DIAPH1: variants seen among roughly 807,000 people sequenced by gnomAD.
The protein encoded by DIAPH1 is protein diaphanous homolog 1.
DIAPH1 carries 46 observed loss-of-function variants against 140.7 expected under a neutral mutation model. The ratio of observed to expected loss-of-function variants is 0.33; its 90% CI spans 0.26 to 0.42. The LOEUF (loss-of-function observed/expected upper bound fraction) is 0.42. Ranked by LOEUF, DIAPH1 falls within the 10% of genes least tolerant of loss-of-function variation. The pLI is 1.00. For missense variants in DIAPH1, 1,310 were observed against 1,558.7 expected (o/e 0.84, Z 2.69); for synonymous variants, 565 against 551.6 (o/e 1.02, Z -0.34).
At chr5:141,532,550 C>T (rs1476578447) in intron 19 of DIAPH1, among the ~76,000 whole-genome samples, 1 of 152,162 alleles carries the variant, frequency 6.6e-6, no homozygotes, top group Non-Finnish European at 1.5e-5. Context: ...TCCAACACTG[C>T]CCCCACTTGA....
At chr5:141,535,930 A>G (rs2099888937) in intron 18 of DIAPH1, 4 of 421,572 alleles carry the variant, frequency 9.5e-6, no homozygotes, top group South Asian at 7.1e-5. Flanking sequence ...AACCACATGA[A>G]AAGTATTACC....
chr5:141,551,744 G>T (rs1440690864), intron 18 of DIAPH1, among the ~76,000 whole-genome samples: 3 of 152,174 alleles, frequency 2.0e-5, no homozygotes, highest in Non-Finnish European at 2.9e-5. Flanking sequence ...ACTTTTCTCA[G>T]TAATTGATAA....
rs1052304255 is a variant in DIAPH1, at chr5:141,515,789, G to T, written c.*1062C>A. 6 of 152,338 alleles carry T rather than the reference G, an allele frequency of 3.9e-5. No homozygotes were observed. The highest frequency in any genetic ancestry group is 1.4e-4 in the African/African-American group (6 of 41,562). The allele number at this position is 152,338 out of a possible 1,614,324, so 9.4% of individuals were successfully genotyped here. ...AGAGAGGATCTGCCTTGGACTCAAGGGTCCAGAAGGTCCAGGGGCACATTC... is the reference window on the plus strand; with the variant it reads ...AGAGAGGATCTGCCTTGGACTCAAGTGTCCAGAAGGTCCAGGGGCACATTC... On this transcript the variant is annotated 3_prime_UTR_variant, in exon 28 of 28. Coordinates refer to ENST00000389054, the MANE Select transcript of DIAPH1 (RefSeq NM_005219.5).
chr5:141,591,697 T>TAG (rs2099898453), intron 1 of DIAPH1, among the ~76,000 whole-genome samples: 2 of 59,106 alleles, frequency 3.4e-5, no homozygotes, highest in African/African-American at 7.1e-5. Flanking sequence ...GAGATGGGGA[T>TAG]ATATATATAT....
Position 141,577,739 on chromosome 5 carries a change from C to T in DIAPH1, c.1164-148G>A, listed in dbSNP as rs181935159. 2.9e-5 allele frequency: 20 copies of T among 684,816 alleles called. No individual in the cohort carries two copies. The East Asian group carries it at 3.9e-4, about 13-fold the overall frequency. The allele number at this position is 684,816 out of a possible 1,614,324, so 42.4% of individuals were successfully genotyped here. ...TTCTTCCTGTAAACATCACCAGAAA[C>T]TTTAAGCTTTCTAAAACGTCCTTTA... On this transcript the variant is annotated intron_variant, in intron 11 of 27. Coordinates refer to ENST00000389054, the MANE Select transcript of DIAPH1 (RefSeq NM_005219.5).
chr5:141,559,891 A>G (rs2154595934), intron 18 of DIAPH1, among the ~76,000 whole-genome samples: 1 of 152,366 alleles, frequency 6.6e-6, no homozygotes, highest in South Asian at 2.1e-4. Flanking sequence ...TATTATGGGA[A>G]AAATTAAACA....
chr5:141,601,908 C>G (rs550285016), intron 1 of DIAPH1, among the ~76,000 whole-genome samples: 1 of 152,138 alleles, frequency 6.6e-6, no homozygotes, highest in African/African-American at 2.4e-5. Context: ...GACCAAGGAA[C>G]CTTGACTGGA....
At chr5:141,520,507 C>T (rs1235600021) in intron 27 of DIAPH1, among the ~76,000 whole-genome samples, 2 of 152,156 alleles carry the variant, frequency 1.3e-5, no homozygotes, top group African/African-American at 2.4e-5. Context: ...CTCCCACTTC[C>T]GCCTTGTGAT....
chr5:141,563,434 C>T (rs1349115164), intron 18 of DIAPH1: 1 of 152,106 alleles, frequency 6.6e-6, no homozygotes, highest in Admixed American at 6.5e-5. Context: ...TGGCTTAATT[C>T]ACACCATTAA....
Position 141,515,347 on chromosome 5 carries a change from A to G in DIAPH1, c.*1504T>C, listed in dbSNP as rs2099885526. ...GCAACCAAAACCCTCCCTCCTGGCA[A>G]TAAGGCCTCACTATAGTTGCCCTCA... On this transcript the variant is annotated 3_prime_UTR_variant, in exon 28 of 28. Transcript: ENST00000389054. 1 of 152,262 alleles carries G rather than the reference A, an allele frequency of 6.6e-6. No individual in the cohort carries two copies. The highest frequency in any genetic ancestry group is 2.4e-5 in the African/African-American group (1 of 41,444). 9.4% of individuals were successfully genotyped at this position (152,262 alleles called of 1,614,324 possible).
intron 18 of DIAPH1, among the ~76,000 whole-genome samples, chr5:141,551,881 T>C (rs1440060060): frequency 3.3e-5 from 5 of 152,324 alleles, no homozygotes; most frequent in African/African-American, 9.6e-5. Flanking sequence ...ACATTTATAA[T>C]ATTTGGCAAT....
At position 141,528,879 on chromosome 5, in the gene DIAPH1, GC is replaced by G. The variant is rs749268373; in HGVS notation, c.2840del (p.Ser947ThrfsTer31). The G allele has an allele frequency of 6.2e-7, 1 of 1,614,032 alleles. No individual in the cohort carries two copies. Among genetic ancestry groups the G allele is most frequent in the Non-Finnish European group, 8.5e-7 (1 of 1,180,040 alleles). On this transcript the variant is annotated frameshift_variant, in exon 22 of 28. Transcript: ENST00000389054. LOFTEE classifies it high-confidence loss of function. ...CTGGCTTGATATTCTCCACTTGCTC[GC>G]TGAATTGTAGCTTGAAGAGAATGGC... ...LNAILFKLQF[S>X]EQVENIKPEI...
intron 18 of DIAPH1, among the ~76,000 whole-genome samples, chr5:141,571,151 G>C (rs771565307): frequency 6.6e-6 from 1 of 152,144 alleles, no homozygotes; most frequent in Non-Finnish European, 1.5e-5. Flanking sequence ...CAAATGTAAG[G>C]TAATAGTATT....
intron 8 of DIAPH1, among the ~76,000 whole-genome samples, chr5:141,579,498 C>T (rs2099896426): frequency 6.6e-6 from 1 of 152,154 alleles, no homozygotes; most frequent in African/African-American, 2.4e-5. Context: ...TTTAACAGTA[C>T]TAATCAATTT....
At chr5:141,597,286 AT>A (rs2099899473) in intron 1 of DIAPH1, among the ~76,000 whole-genome samples, 1 of 152,226 alleles carries the variant, frequency 6.6e-6, no homozygotes, top group African/African-American at 2.4e-5. Context: ...AAAACAGGTC[AT>A]ATACAAAGGA....
At chr5:141,518,584 G>T (rs1330204497) in intron 27 of DIAPH1, 2 of 190,588 alleles carry the variant, frequency 1.0e-5, no homozygotes, top group African/African-American at 2.4e-5. Flanking sequence ...GTGCAGCAGC[G>T]CAATCACAGC....
intron 1 of DIAPH1, among the ~76,000 whole-genome samples, chr5:141,604,463 A>G (rs2099900625): frequency 6.6e-6 from 1 of 152,190 alleles, no homozygotes; most frequent in African/African-American, 2.4e-5. Context: ...AGAAATAGTC[A>G]GTGACTCAGG....
At chr5:141,583,998 G>A (rs965259349) in intron 4 of DIAPH1, 126 bp downstream of exon 4, 2 of 693,866 alleles carry the variant, frequency 2.9e-6, no homozygotes, top group Non-Finnish European at 2.6e-6. Flanking sequence ...AAGTGAACAG[G>A]CTTATATAAT....
chr5:141,580,013 T>C (rs1474290229), intron 8 of DIAPH1, among the ~76,000 whole-genome samples: 3 of 150,954 alleles, frequency 2.0e-5, no homozygotes, highest in East Asian at 1.9e-4. Flanking sequence ...AAATAAATTA[T>C]AGGCCATACA....
Sources: allele counts gnomAD v4.1 joint callset (sites outside exome capture counted in the v4.1 genomes callset), GRCh38; gene constraint gnomAD v4.1.1; transcripts MANE v1.5; gene names NCBI Gene and HGNC (gene_info 2026-07-23, HGNC 2026-07-21).